Variants in PHF21B observed in about 807,000 individuals in gnomAD.
PHF21B encodes the protein PHD finger protein 21B.
PHF21B carries 22 observed loss-of-function variants against 62.2 expected under a neutral mutation model. That is an observed-to-expected ratio of 0.35 (90% confidence interval 0.25 to 0.51). The LOEUF is 0.51. PHF21B is among the 20% of genes least tolerant of loss of function. PHF21B has a pLI of 0.97. For synonymous variants in PHF21B, 341 were observed against 314.7 expected, an observed-to-expected ratio of 1.08 and a Z score of -0.88; for missense variants, 701 against 707.9, an observed-to-expected ratio of 0.99 and a Z score of 0.11.
At chr22:44,901,626 C>T (rs1381625618) in intron 5 of PHF21B, 7 of 440,114 alleles carry the variant, frequency 1.6e-5, no homozygotes, top group South Asian at 5.7e-5. Flanking sequence ...AGAAGAAACC[C>T]GAAGCCAAGA....
intron 5 of PHF21B, among the ~76,000 whole-genome samples, chr22:44,900,780 ACT>A (rs891774022): frequency 1.6e-5 from 2 of 126,060 alleles, no homozygotes; most frequent in Admixed American, 8.3e-5. Context: ...CTCTAAAGTG[ACT>A]CTTTTTTTTT....
At chr22:44,997,022 C>T (rs942675591) in intron 2 of PHF21B, among the ~76,000 whole-genome samples, 3 of 152,212 alleles carry the variant, frequency 2.0e-5, no homozygotes, top group Non-Finnish European at 4.4e-5. Flanking sequence ...TGTTTCTCAT[C>T]GATTACCTGT....
At chr22:44,889,017 C>G (rs1039480419) in intron 9 of PHF21B, among the ~76,000 whole-genome samples, 2 of 152,204 alleles carry the variant, frequency 1.3e-5, no homozygotes, top group Non-Finnish European at 2.9e-5. Context: ...ATAAACACTG[C>G]CAGGCCCCCC....
At chr22:44,897,004 G>T (rs6007375) in intron 5 of PHF21B, among the ~76,000 whole-genome samples, 1 of 149,710 alleles carries the variant, frequency 6.7e-6, no homozygotes, top group Non-Finnish European at 1.5e-5. Flanking sequence ...TCAGCCTCCC[G>T]AGGAGCTGGG....
chr22:44,916,184 G>T, intron 4 of PHF21B, 96 bp downstream of exon 4: 1 of 1,195,120 alleles, frequency 8.4e-7, no homozygotes, highest in Middle Eastern at 1.9e-4. Flanking sequence ...CATTCATCCT[G>T]CCTGGGCTTG....
At chr22:44,891,172 C>T (rs2070957244) in intron 8 of PHF21B, 134 bp downstream of exon 8, 9 of 956,312 alleles carry the variant, frequency 9.4e-6, no homozygotes, top group South Asian at 1.6e-5. Context: ...GCACAGCATC[C>T]TCACCTTCCT....
At chr22:44,940,445 G>A (rs988071909) in intron 2 of PHF21B, among the ~76,000 whole-genome samples, 6 of 152,234 alleles carry the variant, frequency 3.9e-5, no homozygotes, top group South Asian at 2.1e-4. Context: ...ACCGCGCAGC[G>A]GGGGCCAACA....
intron 2 of PHF21B, among the ~76,000 whole-genome samples, chr22:44,972,609 A>C (rs1258170099): frequency 6.6e-6 from 1 of 152,176 alleles, no homozygotes; most frequent in Non-Finnish European, 1.5e-5. Context: ...TCCTCAGTGG[A>C]AACTCCTCAT....
At chr22:45,008,987 C>T (rs2073377664) in intron 1 of PHF21B, 33 of 1,094,746 alleles carry the variant, frequency 3.0e-5, no homozygotes, top group Non-Finnish European at 3.7e-5. Context: ...GAGCAAAGCT[C>T]ATAAATATTC....
At chr22:44,896,403 C>A (rs1000565792) in intron 5 of PHF21B, among the ~76,000 whole-genome samples, 1 of 151,862 alleles carries the variant, frequency 6.6e-6, no homozygotes, top group Non-Finnish European at 1.5e-5. Flanking sequence ...TAACTCCAGA[C>A]ACCAAGTCAG....
At chr22:44,884,847 T>C (rs55800311) in intron 12 of PHF21B, among the ~76,000 whole-genome samples, 410 of 151,474 alleles carry the variant, frequency 2.7e-3, no homozygotes, top group Non-Finnish European at 5.0e-3. Context: ...ACCATTATCA[T>C]ATTCCCATCA....
At chr22:44,885,668 A>G in intron 11 of PHF21B, 139 bp from the exon 12 acceptor site, 1 of 1,035,914 alleles carries the variant, frequency 9.7e-7, no homozygotes, top group Non-Finnish European at 1.4e-6. Flanking sequence ...GGCCAAATGC[A>G]CAGGACCTGG....
intron 2 of PHF21B, among the ~76,000 whole-genome samples, chr22:44,975,641 C>T (rs544776901): frequency 1.7e-4 from 26 of 152,338 alleles, no homozygotes; most frequent in African/African-American, 6.3e-4. Context: ...GGAGGGAACC[C>T]AGGCTCCTGC....
chr22:45,002,176 A>T (rs2073232141), intron 2 of PHF21B, among the ~76,000 whole-genome samples: 1 of 152,240 alleles, frequency 6.6e-6, no homozygotes, highest in Non-Finnish European at 1.5e-5. Context: ...CACATTACAT[A>T]GGCTTTACAT....
intron 2 of PHF21B, among the ~76,000 whole-genome samples, chr22:44,999,343 G>A (rs1180257227): frequency 1.3e-5 from 2 of 152,136 alleles, no homozygotes; most frequent in Admixed American, 6.5e-5. Context: ...GAGAGAGGGA[G>A]GAGGAGGAAA....
At position 44,885,681 on chromosome 22, in the gene PHF21B, C is replaced by A. The variant is rs935276623; in HGVS notation, c.1274-152G>T. The A allele has an allele frequency of 4.1e-5, 41 of 1,008,408 alleles. No homozygotes were observed. The South Asian group carries it at 6.4e-4, about 16-fold the overall frequency. The allele number at this position is 1,008,408 out of a possible 1,614,324, so 62.5% of individuals were successfully genotyped here. The stretch of plus-strand genomic sequence containing the variant: ...GTGGCCAAATGCACAGGACCTGGAG[C>A]CACTCTCCCCTGGCCACACCTGCCC... On this transcript the variant is annotated intron_variant, in intron 11 of 12. Transcript: ENST00000313237.
chr22:44,971,585 T>G (rs1416530358), intron 2 of PHF21B: 1 of 152,436 alleles, frequency 6.6e-6, no homozygotes, highest in African/African-American at 2.4e-5. Context: ...CACCATCCAC[T>G]CCAGGGCTTC....
rs2073383680 is a variant in PHF21B, at chr22:45,009,342, C to T, written c.54+154G>A. ...GCGGAGGGGAGCCCAGAAGGGGGTC[C>T]GCGCGTGTGCTCACTCCCTCGCCCC... is the stretch of plus-strand genomic sequence containing the variant. On this transcript the variant is annotated intron_variant, in intron 1 of 12. Coordinates refer to ENST00000313237, the MANE Select transcript of PHF21B (RefSeq NM_138415.5). The surrounding 1 kb of genome is among the most constrained non-coding windows in gnomAD (Gnocchi z 5.9). The T allele has an allele frequency of 3.9e-6, 3 of 761,470 alleles. No individual in the cohort carries two copies. Among genetic ancestry groups the T allele is most frequent in the South Asian group, 1.9e-5 (1 of 51,338 alleles). The allele number at this position is 761,470 out of a possible 1,614,324, so 47.2% of individuals were successfully genotyped here.
intron 5 of PHF21B, among the ~76,000 whole-genome samples, chr22:44,896,760 G>T (rs2071063893): frequency 6.6e-6 from 1 of 151,832 alleles, no homozygotes; most frequent in South Asian, 2.1e-4. Flanking sequence ...GTTTTGTAAT[G>T]ACCATTTCTC....
Sources: gnomAD v4.1 joint callset for allele counts (sites outside exome capture counted in the v4.1 genomes callset) on GRCh38, gnomAD v4.1.1 for gene constraint, Gnocchi (gnomAD v3.1) non-coding constraint, MANE v1.5 for transcripts, NCBI Gene and HGNC (gene_info 2026-07-23, HGNC 2026-07-21) for gene names.